Variants in KPNA6 observed in about 807,000 individuals in gnomAD.
The protein encoded by KPNA6 is importin subunit alpha-7.
In KPNA6, 9 loss-of-function variants were observed where a neutral mutation model predicts 72.0. The ratio of observed to expected loss-of-function variants is 0.13; its 90% CI spans 0.08 to 0.22. KPNA6 has a LOEUF of 0.22. Among genes scored for constraint, KPNA6 ranks in the 10% least tolerant of loss-of-function variants. The pLI is 1.00. For missense variants in KPNA6, 374 were observed against 655.7 expected, an observed-to-expected ratio of 0.57 and a Z score of 4.69; for synonymous variants, 219 against 242.1, an observed-to-expected ratio of 0.90 and a Z score of 0.89.
intron 7 of KPNA6, among the ~76,000 whole-genome samples, chr1:32,161,648 C>T (rs1162235896): frequency 6.6e-6 from 1 of 152,136 alleles, no homozygotes; most frequent in Non-Finnish European, 1.5e-5. Flanking sequence ...GACTTGTGGC[C>T]AGGGTTATGG....
At chr1:32,118,308 A>G (rs1263631491) in intron 1 of KPNA6, among the ~76,000 whole-genome samples, 2 of 151,646 alleles carry the variant, frequency 1.3e-5, no homozygotes, top group Non-Finnish European at 2.9e-5. Context: ...CAGTTTGGAA[A>G]TGAACTCTCC....
chr1:32,167,920 C>G (rs1262367098), intron 12 of KPNA6, among the ~76,000 whole-genome samples: 1 of 151,190 alleles, frequency 6.6e-6, no homozygotes, highest in Non-Finnish European at 1.5e-5. Context: ...TATCCCAGCA[C>G]CTTGGGAAGC....
rs1557457010 is a variant in KPNA6, at chr1:32,119,007, TATATATATATATATATATATATATA to T, written c.4+10874_4+10898del. On this transcript the variant is annotated intron_variant, in intron 1 of 13. Transcript: ENST00000373625. Reference sequence around the variant, plus strand: ...GTGTGTGTGTGTATACATATATATATATATATATATATATATATATATATATTTTTTTTTTTTTTTTTGAGAGAGA... The same window carrying T: ...GTGTGTGTGTGTATACATATATATATTTTTTTTTTTTTTTTTTGAGAGAGA... Among the ~76,000 whole-genome samples the T allele has an allele frequency of 6.2e-5, 4 of 64,478 alleles. 1 individual carries two copies. The highest frequency in any genetic ancestry group is 1.8e-4 in the Admixed American group (1 of 5,608). 42.3% of individuals were successfully genotyped at this position (64,478 alleles called of 152,430 possible).
intron 1 of KPNA6, among the ~76,000 whole-genome samples, chr1:32,119,380 T>C (rs1398549613): frequency 6.6e-6 from 1 of 151,984 alleles, no homozygotes; most frequent in Non-Finnish European, 1.5e-5. Context: ...TGTCTTTGAG[T>C]GGAGGACAGG....
chr1:32,164,063 C>T (rs1266528385), intron 10 of KPNA6, among the ~76,000 whole-genome samples: 1 of 152,222 alleles, frequency 6.6e-6, no homozygotes. Flanking sequence ...ACTCCCCATT[C>T]TCCCTTCCCC....
chr1:32,121,545 C>G lies in KPNA6; in HGVS notation c.4+13411C>G, dbSNP rs114311156. ...TGGCAACTAAAACTATGGAGTGATT[C>G]ATCAACACTCAGGAAAAATGTGATG... On this transcript the variant is annotated intron_variant, in intron 1 of 13. Transcript: ENST00000373625. Among the ~76,000 whole-genome samples, 701 of 152,282 alleles carry G rather than the reference C, an allele frequency of 4.6e-3. 5 individuals carry two copies. The highest frequency in any genetic ancestry group is 0.016 in the African/African-American group (672 of 41,548).
intron 1 of KPNA6, among the ~76,000 whole-genome samples, chr1:32,138,103 C>T (rs1238596929): frequency 6.8e-6 from 1 of 147,204 alleles, no homozygotes; most frequent in Non-Finnish European, 1.5e-5. Flanking sequence ...CCACTGCACT[C>T]TAGCCTGGAT....
intron 10 of KPNA6, 106 bp downstream of exon 10, chr1:32,163,419 A>T: frequency 1.3e-6 from 1 of 773,428 alleles, no homozygotes; most frequent in South Asian, 1.5e-5. Context: ...TCCTGATGGG[A>T]GGCACTATGG....
intron 2 of KPNA6, 90 bp from the exon 3 acceptor site, chr1:32,156,763 C>A: frequency 1.0e-6 from 1 of 975,210 alleles, no homozygotes; most frequent in African/African-American, 1.6e-5. Flanking sequence ...CTAGTATATC[C>A]TTGTCAGTTA....
chr1:32,121,192 T>G (rs1227119132), intron 1 of KPNA6, among the ~76,000 whole-genome samples: 1 of 151,932 alleles, frequency 6.6e-6, no homozygotes, highest in Admixed American at 6.6e-5. Flanking sequence ...GCTCTTTGAG[T>G]AATGTGGTAG....
chr1:32,129,659 G>C (rs1220869953), intron 1 of KPNA6, among the ~76,000 whole-genome samples: 1 of 152,132 alleles, frequency 6.6e-6, no homozygotes, highest in Non-Finnish European at 1.5e-5. Flanking sequence ...GGGCTCAAGT[G>C]ATCGTCCTGC....
intron 10 of KPNA6, 64 bp downstream of exon 10, chr1:32,163,377 T>A (rs1642277438): frequency 5.8e-6 from 7 of 1,198,180 alleles, no homozygotes; most frequent in Non-Finnish European, 8.5e-6. Context: ...GAGCTGCCAG[T>A]GGACAAAAGC....
At chr1:32,123,790 C>T (rs1052514103) in intron 1 of KPNA6, among the ~76,000 whole-genome samples, 1 of 147,738 alleles carries the variant, frequency 6.8e-6, no homozygotes, top group African/African-American at 2.5e-5. Flanking sequence ...AATCCCAGCA[C>T]TCTGGGAGGC....
chr1:32,151,217 G>C (rs1254788360), intron 1 of KPNA6, among the ~76,000 whole-genome samples: 1 of 152,084 alleles, frequency 6.6e-6, no homozygotes, highest in Non-Finnish European at 1.5e-5. Flanking sequence ...GCAGTGTAAG[G>C]CTCGTTTTTA....
At chr1:32,139,229 G>A (rs1422825201) in intron 1 of KPNA6, among the ~76,000 whole-genome samples, 1 of 152,184 alleles carries the variant, frequency 6.6e-6, no homozygotes, top group Non-Finnish European at 1.5e-5. Flanking sequence ...ATCCTATGGA[G>A]AGCAGATGGA....
chr1:32,112,968 T>A (rs1309758199), intron 1 of KPNA6, among the ~76,000 whole-genome samples: 11 of 152,192 alleles, frequency 7.2e-5, no homozygotes. Context: ...ATCAATTGAT[T>A]CTTCCTTTCA....
Position 32,141,375 on chromosome 1 carries a change from C to CTTTTTTTTTT in KPNA6, c.5-13182_5-13173dup, listed in dbSNP as rs71006334. ...AGGGCTTTTTTTTTTTAAGTTAATC[C>CTTTTTTTTTT]TTTTTTTTTTTTTTTTTTTTTTTTT... is the stretch of plus-strand genomic sequence containing the variant. On this transcript the variant is annotated intron_variant, in intron 1 of 13. Transcript: ENST00000373625. Among the ~76,000 whole-genome samples, 96 of 54,458 alleles carry CTTTTTTTTTT rather than the reference C, an allele frequency of 1.8e-3. 21 individuals are homozygous for CTTTTTTTTTT. The highest frequency in any genetic ancestry group is 2.7e-3 in the Non-Finnish European group (69 of 25,162). The allele number at this position is 54,458 out of a possible 152,430, so 35.7% of individuals were successfully genotyped here.
intron 10 of KPNA6, among the ~76,000 whole-genome samples, chr1:32,164,382 C>T (rs72666767): frequency 0.13 from 19,705 of 152,042 alleles, 1,711 homozygotes; most frequent in South Asian, 0.25. Context: ...TTCAAGTCCC[C>T]GGTATATACC....
rs774256755 is a variant in KPNA6 at position 32,172,833 on chromosome 1, T to A, written c.*1939T>A. ...TCCTTCCTCTGAAACAATGCCATTC[T>A]TGCTTCTATTGCTACACATCTCCTT... On this transcript the variant is annotated 3_prime_UTR_variant, in exon 14 of 14. Transcript: ENST00000373625. 2.0e-5 allele frequency: 7 copies of A among 347,858 alleles called. No individual in the cohort carries two copies. Among genetic ancestry groups the A allele is most frequent in the African/African-American group, 4.2e-5 (2 of 47,318 alleles). The allele number at this position is 347,858 out of a possible 1,614,324, so 21.5% of individuals were successfully genotyped here.
Sources: allele counts gnomAD v4.1 joint callset (sites outside exome capture counted in the v4.1 genomes callset), GRCh38; gene constraint gnomAD v4.1.1; transcripts MANE v1.5; gene names NCBI Gene and HGNC (gene_info 2026-07-23, HGNC 2026-07-21).